The following GSDMC variants were observed in gnomAD, a reference collection of about 807,000 sequenced individuals.
GSDMC encodes gasdermin C.
A neutral mutation model predicts 58.0 loss-of-function variants in GSDMC; 59 were observed. The ratio of observed to expected loss-of-function variants is 1.02; its 90% CI spans 0.82 to 1.26. The LOEUF is 1.26. Among genes scored for constraint, GSDMC ranks in the 50% most tolerant of loss-of-function variants. The pLI, the probability that GSDMC is intolerant of heterozygous loss-of-function variation, is 0.00. For synonymous variants in GSDMC, 241 were observed against 220.2 expected, an observed-to-expected ratio of 1.09 and a Z score of -0.83; for missense variants, 659 against 598.5, an observed-to-expected ratio of 1.10 and a Z score of -1.06.
the GSDMC span, among the ~76,000 whole-genome samples, chr8:129,714,671 A>G: frequency 6.6e-6 from 1 of 152,196 alleles, no homozygotes; most frequent in Non-Finnish European, 1.5e-5. Flanking sequence ...CAGATTTTAT[A>G]ATTACATGGC....
chr8:129,728,372 G>A, the GSDMC span, among the ~76,000 whole-genome samples: 1 of 152,192 alleles, frequency 6.6e-6, no homozygotes, highest in Non-Finnish European at 1.5e-5. Context: ...GGCATCTGGA[G>A]CATCCACTTT....
At chr8:129,706,841 C>T in the GSDMC span, among the ~76,000 whole-genome samples, 1 of 152,214 alleles carries the variant, frequency 6.6e-6, no homozygotes, top group South Asian at 2.1e-4. Context: ...CATTAATGAA[C>T]ATCCTACTAT....
At chr8:129,752,889 A>C in intron 6 of GSDMC, 69 bp from the exon 7 acceptor site, 4 of 1,606,750 alleles carry the variant, frequency 2.5e-6, no homozygotes, top group Non-Finnish European at 3.4e-6. Context: ...TTGTCATAGC[A>C]GAGAGCAGAG....
At chr8:129,783,968 G>A (rs1345354475) in intron 1 of GSDMC, among the ~76,000 whole-genome samples, 1 of 152,042 alleles carries the variant, frequency 6.6e-6, no homozygotes, top group African/African-American at 2.4e-5. Flanking sequence ...TTTTTACCAA[G>A]GTGCCAAGAA....
chr8:129,771,522 A>G (rs2130512083), intron 3 of GSDMC, among the ~76,000 whole-genome samples: 1 of 152,380 alleles, frequency 6.6e-6, no homozygotes, highest in Non-Finnish European at 1.5e-5. Context: ...GGAATTTCAG[A>G]AAATTCACAA....
chr8:129,780,353 C>T (rs2034369065), intron 1 of GSDMC, among the ~76,000 whole-genome samples: 1 of 152,114 alleles, frequency 6.6e-6, no homozygotes, highest in Non-Finnish European at 1.5e-5. Flanking sequence ...GATAATCAAA[C>T]TCCCAAATAT....
At chr8:129,728,106 G>C in the GSDMC span, among the ~76,000 whole-genome samples, 1 of 152,130 alleles carries the variant, frequency 6.6e-6, no homozygotes, top group South Asian at 2.1e-4. Flanking sequence ...GTGCAGCAAG[G>C]TCTTCACTGC....
chr8:129,765,540 G>A, intron 4 of GSDMC, 88 bp downstream of exon 4: 2 of 917,998 alleles, frequency 2.2e-6, no homozygotes, highest in South Asian at 1.3e-5. Flanking sequence ...TGGAAATAGA[G>A]TCCAGAGCCC....
intron 13 of GSDMC, 53 bp downstream of exon 13, chr8:129,749,399 C>T (rs2033076543): frequency 4.0e-6 from 5 of 1,236,056 alleles, no homozygotes; most frequent in South Asian, 3.6e-5. Flanking sequence ...TTCTTCTTAC[C>T]TCTGGTTCCC....
chr8:129,776,521 C>A (rs1005616265), intron 2 of GSDMC, among the ~76,000 whole-genome samples: 1 of 152,170 alleles, frequency 6.6e-6, no homozygotes, highest in African/African-American at 2.4e-5. Flanking sequence ...AAAATCTGCA[C>A]CCTGAGAAAT....
the GSDMC span, among the ~76,000 whole-genome samples, chr8:129,714,705 T>C: frequency 8.6e-5 from 13 of 151,818 alleles, no homozygotes; most frequent in African/African-American, 3.1e-4. Context: ...AATGAAGACA[T>C]TCTCAGATGA....
At chr8:129,708,757 A>T in the GSDMC span, among the ~76,000 whole-genome samples, 2 of 152,250 alleles carry the variant, frequency 1.3e-5, no homozygotes, top group Non-Finnish European at 2.9e-5. Flanking sequence ...TCCTTAACTA[A>T]CAGCAAACAA....
At chr8:129,719,547 C>T in the GSDMC span, among the ~76,000 whole-genome samples, 1 of 152,072 alleles carries the variant, frequency 6.6e-6, no homozygotes, top group African/African-American at 2.4e-5. Flanking sequence ...TTATAGAATC[C>T]ACCACTCTAT....
chr8:129,785,756 G>A (rs2130604248), intron 1 of GSDMC, among the ~76,000 whole-genome samples: 1 of 105,394 alleles, frequency 9.5e-6, no homozygotes, highest in Admixed American at 9.2e-5. Flanking sequence ...AGAGGTCACT[G>A]GACAAGCAGA....
Position 129,751,873 on chromosome 8 carries a change from A to T in GSDMC, c.905T>A (p.Ile302Asn). Residue 302 changes from isoleucine to asparagine, a missense_variant, in exon 9 of 14, where the codon ATC becomes AAC. Transcript: ENST00000276708. Reference sequence around the variant, plus strand: ...AAACTCACACTCACCTACTGGGAGGATGTGAACTTGTTCGTATTCTAAAAA... The same window carrying T: ...AAACTCACACTCACCTACTGGGAGGTTGTGAACTTGTTCGTATTCTAAAAA... ...GHLPKYEQVH[I>N]LPVGRIEEPF... 1 of 1,603,098 alleles carries T rather than the reference A, an allele frequency of 6.2e-7. No individual in the cohort carries two copies. Among genetic ancestry groups the T allele is most frequent in the Non-Finnish European group, 8.5e-7 (1 of 1,172,858 alleles).
At chr8:129,709,486 AATAG>A in the GSDMC span, among the ~76,000 whole-genome samples, 5 of 122,042 alleles carry the variant, frequency 4.1e-5, no homozygotes, top group East Asian at 3.5e-4. Context: ...ATAGACAGAT[AATAG>A]ATAGATGATA....
At chr8:129,723,513 G>A in the GSDMC span, among the ~76,000 whole-genome samples, 3 of 144,014 alleles carry the variant, frequency 2.1e-5, no homozygotes, top group East Asian at 4.1e-4. Context: ...TGATCCACCC[G>A]CCTCGGCCTC....
At chr8:129,750,301 A>G (rs927972962) in intron 11 of GSDMC, 130 bp downstream of exon 11, 5 of 1,102,440 alleles carry the variant, frequency 4.5e-6, no homozygotes, top group Non-Finnish European at 6.4e-6. Context: ...CCGGCACCAG[A>G]GTCCCCAGTC....
the GSDMC span, among the ~76,000 whole-genome samples, chr8:129,736,267 C>A: frequency 6.6e-6 from 1 of 151,962 alleles, no homozygotes. Context: ...AATAGAAAAA[C>A]AGGGAATCCT....
Sources: gnomAD v4.1 joint callset for allele counts (sites outside exome capture counted in the v4.1 genomes callset) on GRCh38, gnomAD v4.1.1 for gene constraint, MANE v1.5 for transcripts, NCBI Gene and HGNC (gene_info 2026-07-23, HGNC 2026-07-21) for gene names.